The following SAMD14 variants were observed in gnomAD, a reference collection of about 807,000 sequenced individuals.
SAMD14 encodes the protein sterile alpha motif domain containing 14, also known as sterile alpha motif domain-containing protein 14.
A neutral mutation model predicts 46.2 loss-of-function variants in SAMD14; 27 were observed. The ratio of observed to expected loss-of-function variants is 0.58; its 90% CI spans 0.43 to 0.81. The LOEUF is 0.81. Among genes scored for constraint, SAMD14 ranks in the 30% least tolerant of loss-of-function variants. The probability of loss-of-function intolerance (pLI) is 0.00; values close to 1 mark genes in which losing one functional copy is unlikely to be tolerated. For synonymous variants in SAMD14, 241 were observed against 254.3 expected (o/e 0.95, Z 0.50); for missense variants, 559 against 582.2 (o/e 0.96, Z 0.41).
rs528590646 is a variant in SAMD14 at position 50,118,532 on chromosome 17, C to A, written c.44-205G>T. Among the ~76,000 whole-genome samples, 96 of 152,300 alleles carry A rather than the reference C, an allele frequency of 6.3e-4. 4 individuals are homozygous for A. The South Asian group carries it at 0.02, about 32-fold the overall frequency. On this transcript the variant is annotated intron_variant, in intron 2 of 9. Transcript: ENST00000330175. ...TGTGCAGGGGAAGCAGAAATGCCGG[C>A]GCTAAAATACAGCGCCGTGTGATGA...
In SAMD14 at chr17:50,118,177, T is replaced by A. The variant is rs768377643; in HGVS notation, c.194A>T (p.Asp65Val). Residue 65 changes from aspartate to valine, a missense_variant, in exon 3 of 10, where the codon GAT (aspartate) becomes GTT (valine). Asp to Val is a radical substitution (Grantham distance 152, BLOSUM62 -3). Coordinates refer to ENST00000330175, the MANE Select transcript of SAMD14 (RefSeq NM_001257359.2). ...ASSAEDGEGS[D>V]GPGGKVTDGC... is the part of the protein sequence containing the mutation. Reference sequence around the variant, plus strand: ...TGCCCCAACCTTGCCTCCGGGCCCATCCGAGCCTTCACCATCCTCCGCGGA... The same window carrying A: ...TGCCCCAACCTTGCCTCCGGGCCCAACCGAGCCTTCACCATCCTCCGCGGA... 6.2e-7 allele frequency: 1 copy of A among 1,603,088 alleles called. No individual in the cohort carries two copies. Among genetic ancestry groups the A allele is most frequent in the Non-Finnish European group, 8.5e-7 (1 of 1,172,554 alleles).
intron 4 of SAMD14, 85 bp from the exon 5 acceptor site, chr17:50,116,175 T>C: frequency 2.0e-6 from 3 of 1,514,406 alleles, no homozygotes; most frequent in Non-Finnish European, 2.7e-6. Flanking sequence ...GTAGAAATTC[T>C]CTTGACTTAG....
intron 1 of SAMD14, among the ~76,000 whole-genome samples, chr17:50,127,210 G>A (rs550610704): frequency 2.0e-5 from 3 of 152,268 alleles, no homozygotes; most frequent in East Asian, 3.9e-4. Flanking sequence ...GCCCCTCTGC[G>A]CTATCCTAGG....
At position 50,129,874 on chromosome 17, in the gene SAMD14, G is replaced by C. The variant is rs1201239675; in HGVS notation, c.-370C>G. The C allele has an allele frequency of 6.6e-6, 1 of 152,036 alleles. No homozygotes were observed. The highest frequency in any genetic ancestry group is 1.5e-5 in the Non-Finnish European group (1 of 68,078). The allele number at this position is 152,036 out of a possible 1,614,324, so 9.4% of individuals were successfully genotyped here. A position where few individuals can be genotyped will look rare whatever the true frequency, so the allele number is the denominator to read the frequency against. ...AGAGAGAGAGAGAGAAGAGCGAAGA[G>C]CGAGCGCCACCTCCCTCCCCGCCCC... is the stretch of plus-strand genomic sequence containing the variant. On this transcript the variant is annotated 5_prime_UTR_variant, in exon 1 of 10. Transcript: ENST00000330175. The surrounding 1 kb of genome is among the most constrained non-coding windows in gnomAD (Gnocchi z 5.6).
rs1039055304 is a variant in SAMD14 at position 50,115,023 on chromosome 17, G to C, written c.822+541C>G. Reference sequence around the variant, plus strand: ...GCATGCCTTCCCTCCCTACTTCACCGAGCCTTTGTGAGAGTAAAGCAGAAA... The same window carrying C: ...GCATGCCTTCCCTCCCTACTTCACCCAGCCTTTGTGAGAGTAAAGCAGAAA... On this transcript the variant is annotated intron_variant, in intron 7 of 9. Coordinates refer to ENST00000330175, the MANE Select transcript of SAMD14 (RefSeq NM_001257359.2). This position sits in a 1 kb window ranked among gnomAD's most constrained non-coding sequence, Gnocchi z 5.3. 1.3e-5 allele frequency: 2 copies of C among 154,196 alleles called. No individual in the cohort carries two copies. Among genetic ancestry groups the C allele is most frequent in the Non-Finnish European group, 2.9e-5 (2 of 69,558 alleles). The allele number at this position is 154,196 out of a possible 1,614,324, so 9.6% of individuals were successfully genotyped here.
At position 50,113,004 on chromosome 17, in the gene SAMD14, G is replaced by A. The variant is rs756804633; in HGVS notation, c.1143C>T (p.Arg381=). ...CAGCTGCTGCCATCTCCTTCAACTT[G>A]CGCTTCACCAGTGCCCGGTCATGAG... ...SNSHDRALVK[R]KLKEMAAAAE... The change falls in exon 10 of 10, where the codon CGC becomes CGT. Residue 381 remains arginine (R), a synonymous_variant. Coordinates refer to ENST00000330175, the MANE Select transcript of SAMD14 (RefSeq NM_001257359.2). The A allele has an allele frequency of 1.3e-5, 21 of 1,612,372 alleles. No homozygotes were observed. The highest frequency in any genetic ancestry group is 2.7e-5 in the African/African-American group (2 of 74,920).
chr17:50,125,156 C>CATCTGCCCCAGATGGT, intron 1 of SAMD14, 185 bp from the exon 2 acceptor site: 1 of 587,354 alleles, frequency 1.7e-6, no homozygotes, highest in Non-Finnish European at 3.0e-6. Flanking sequence ...TGGTGGGCGC[C>CATCTGCCCCAGATGGT]GGGGCAGGCA....
rs554590765 is a variant in SAMD14, at chr17:50,113,426, G to A, written c.1099-378C>T. On this transcript the variant is annotated intron_variant, in intron 9 of 9. Coordinates refer to ENST00000330175, the MANE Select transcript of SAMD14 (RefSeq NM_001257359.2). ...CCTCACTTCCAGAGACTTCCTGGGG[G>A]CTCTTTTCACCATCCCTGCCCCAAG... 18 of 254,152 alleles carry A rather than the reference G, an allele frequency of 7.1e-5. No homozygotes were observed. The South Asian group carries it at 8.7e-4, about 12-fold the overall frequency. The allele number at this position is 254,152 out of a possible 1,614,324, so 15.7% of individuals were successfully genotyped here. A position where few individuals can be genotyped will look rare whatever the true frequency, so the allele number is the denominator to read the frequency against.
At chr17:50,123,101 G>A (rs955880460) in intron 2 of SAMD14, among the ~76,000 whole-genome samples, 33 of 152,216 alleles carry the variant, frequency 2.2e-4, no homozygotes, top group African/African-American at 7.2e-4. Flanking sequence ...ACTGTTCTAA[G>A]TGCTTTACAA....
At chr17:50,122,047 A>C (rs1911528389) in intron 2 of SAMD14, among the ~76,000 whole-genome samples, 2 of 152,204 alleles carry the variant, frequency 1.3e-5, no homozygotes, top group Admixed American at 6.5e-5. Flanking sequence ...TGTGGGATCA[A>C]CTGAATTGCT....
chr17:50,113,510 A>G (rs74998495), intron 9 of SAMD14: 12,116 of 273,300 alleles, frequency 0.044, 300 homozygotes, highest in African/African-American at 0.077. Flanking sequence ...GTCAGAGGCC[A>G]CCACCCCCTT....
Position 50,110,061 on chromosome 17 carries a change from G to T in SAMD14, c.*2832C>A, listed in dbSNP as rs371570509. The T allele has an allele frequency of 6.2e-7, 1 of 1,610,968 alleles. No homozygotes were observed. Among genetic ancestry groups the T allele is most frequent in the Non-Finnish European group, 8.5e-7 (1 of 1,178,616 alleles). ...CCGGCGACTGGTGTGTGCCCAGCAC[G>T]GAGCCCAAGAACACGTCCACGTACC... is the stretch of plus-strand genomic sequence containing the variant. On this transcript the variant is annotated 3_prime_UTR_variant, in exon 10 of 10. Transcript: ENST00000330175.
In SAMD14 at chr17:50,112,311, T is replaced by C. The variant is rs1910894306; in HGVS notation, c.*582A>G. The stretch of plus-strand genomic sequence containing the variant: ...CCCCAGGCTGCTTTCTCTGCGCTCC[T>C]GTTGAGGAGTTTGGCTGGGAGTCTA... On this transcript the variant is annotated 3_prime_UTR_variant, in exon 10 of 10. Coordinates refer to ENST00000330175, the MANE Select transcript of SAMD14 (RefSeq NM_001257359.2). The C allele has an allele frequency of 6.6e-6, 1 of 152,262 alleles. No homozygotes were observed. The highest frequency in any genetic ancestry group is 1.5e-5 in the Non-Finnish European group (1 of 68,126). The allele number at this position is 152,262 out of a possible 1,614,324, so 9.4% of individuals were successfully genotyped here. A position where few individuals can be genotyped will look rare whatever the true frequency, so the allele number is the denominator to read the frequency against.
At chr17:50,117,341 C>G in intron 4 of SAMD14, 66 bp downstream of exon 4, 1 of 1,256,430 alleles carries the variant, frequency 8.0e-7, no homozygotes, top group Non-Finnish European at 1.0e-6. Context: ...CGGTGCGCGC[C>G]GGGACCGGGA....
Position 50,114,194 on chromosome 17 carries a change from G to A in SAMD14, c.935C>T (p.Ser312Leu). ...TGGGCCAGCCTTGCTCACCTCATCT[G>A]AAGACTGAGACAGCGTGTGGTAGGG... ...SYPYHTLSQS[S>L]DEFLDEPLPP... is the part of the protein sequence containing the mutation. The change falls in exon 8 of 10, where the codon TCA becomes TTA. Residue 312 changes from serine to leucine, a missense_variant. By Grantham distance (145) the Ser-to-Leu change is moderately radical. Transcript: ENST00000330175. The A allele has an allele frequency of 3.1e-6, 5 of 1,614,190 alleles. No individual in the cohort carries two copies. Among genetic ancestry groups the A allele is most frequent in the Non-Finnish European group, 4.2e-6 (5 of 1,180,048 alleles).
chr17:50,125,069 G>C, intron 1 of SAMD14, 98 bp from the exon 2 acceptor site: 1 of 1,055,980 alleles, frequency 9.5e-7, no homozygotes, highest in East Asian at 2.4e-5. Context: ...CCTGCTCCAG[G>C]CCTGTTGGCC....
At chr17:50,114,390 T>G (rs1911064863) in intron 7 of SAMD14, 84 bp from the exon 8 acceptor site, 2 of 1,613,938 alleles carry the variant, frequency 1.2e-6, no homozygotes, top group Non-Finnish European at 1.7e-6. Context: ...AGTCCTGGAC[T>G]AGGCACCAGG....
At chr17:50,126,473 T>G (rs1267700094) in intron 1 of SAMD14, among the ~76,000 whole-genome samples, 1 of 151,714 alleles carries the variant, frequency 6.6e-6, no homozygotes. Context: ...CCTGGCTAAT[T>G]TTTTTGTATT....
chr17:50,122,919 G>A (rs868348509), intron 2 of SAMD14, among the ~76,000 whole-genome samples: 3 of 152,022 alleles, frequency 2.0e-5, no homozygotes, highest in Admixed American at 1.3e-4. Context: ...TTGTCCAGGG[G>A]GCAACCTGCT....
Sources: gnomAD v4.1 joint callset for allele counts (sites outside exome capture counted in the v4.1 genomes callset) on GRCh38, gnomAD v4.1.1 for gene constraint, Gnocchi (gnomAD v3.1) non-coding constraint, MANE v1.5 for transcripts, NCBI Gene and HGNC (gene_info 2026-07-23, HGNC 2026-07-21) for gene names.